SLC5A9: variants seen among roughly 807,000 people sequenced by gnomAD.
SLC5A9 encodes sodium/glucose cotransporter 4.
In SLC5A9, 59 loss-of-function variants were observed where a neutral mutation model predicts 70.9. The observed-to-expected ratio is 0.83, with a 90% CI of 0.68 to 1.03. The LOEUF is 1.03. Ranked by LOEUF, SLC5A9 falls within the 50% of genes least tolerant of loss-of-function variation. The pLI is 0.00. For missense variants in SLC5A9, 832 were observed against 881.1 expected, an observed-to-expected ratio of 0.94 and a Z score of 0.71; for synonymous variants, 340 against 346.5, an observed-to-expected ratio of 0.98 and a Z score of 0.21.
intron 6 of SLC5A9, 76 bp from the exon 7 acceptor site, chr1:48,231,870 T>G (rs74077907): frequency 6.3e-7 from 1 of 1,593,052 alleles, no homozygotes; most frequent in Non-Finnish European, 8.6e-7. Flanking sequence ...AGGGCCCACA[T>G]GAGGCTGGGG....
At chr1:48,244,711 A>AATATATATATATATATAT in intron 13 of SLC5A9, among the ~76,000 whole-genome samples, 1 of 136,168 alleles carries the variant, frequency 7.3e-6, no homozygotes, top group South Asian at 2.3e-4. Context: ...TTGCTTTGCA[A>AATATATATATATATATAT]ATATATATAT....
rs1345828939 is a variant in SLC5A9 at position 48,235,734 on chromosome 1, C to G, written c.1147C>G (p.Arg383Gly). The change falls in exon 10 of 14, where the codon CGG (arginine) becomes GGG (glycine). Residue 383 changes from arginine (R) to glycine (G), a missense_variant. Physicochemically the swap from Arg to Gly is moderately radical, Grantham distance 125. Transcript: ENST00000438567. ...TGAGCCTCGTCTCTCCCCAGGTCTG[C>G]GGGGGCTGATGATTGCCGTGATCAT... ...LVMALMPVGL[R>G]GLMIAVIMAA... 6.2e-7 allele frequency: 1 copy of G among 1,614,174 alleles called. No individual in the cohort carries two copies. Among genetic ancestry groups the G allele is most frequent in the South Asian group, 1.1e-5 (1 of 91,088 alleles).
At chr1:48,245,524 G>A (rs546338816) in intron 13 of SLC5A9, among the ~76,000 whole-genome samples, 19 of 152,270 alleles carry the variant, frequency 1.2e-4, no homozygotes, top group Admixed American at 9.2e-4. Context: ...AAGTAGAAGG[G>A]TAGGGAAAGG....
At chr1:48,237,615 C>T in intron 10 of SLC5A9, 64 bp from the exon 11 acceptor site, 1 of 1,540,112 alleles carries the variant, frequency 6.5e-7, no homozygotes, top group South Asian at 1.2e-5. Flanking sequence ...TGTGCATCAC[C>T]TTCACCCCAC....
chr1:48,228,668 A>G (rs1010477463), intron 2 of SLC5A9, 182 bp from the exon 3 acceptor site: 3 of 988,576 alleles, frequency 3.0e-6, no homozygotes, highest in Non-Finnish European at 4.3e-6. Flanking sequence ...CTTCCTCTGT[A>G]ACCTGGGATG....
intron 8 of SLC5A9, 111 bp downstream of exon 8, chr1:48,232,613 G>T (rs1344745877): frequency 2.1e-6 from 3 of 1,427,280 alleles, no homozygotes; most frequent in East Asian, 4.6e-5. Flanking sequence ...GGTTGGCAAG[G>T]TTTGTCTATT....
chr1:48,233,514 C>A (rs1644285758), intron 8 of SLC5A9, 141 bp from the exon 9 acceptor site: 2 of 655,898 alleles, frequency 3.0e-6, no homozygotes, highest in South Asian at 1.8e-5. Flanking sequence ...ACCCAGACAC[C>A]ATTTGCCCCC....
intron 10 of SLC5A9, 138 bp from the exon 11 acceptor site, chr1:48,237,541 C>T: frequency 1.3e-6 from 1 of 775,766 alleles, no homozygotes; most frequent in Non-Finnish European, 2.0e-6. Flanking sequence ...ATTTGAGATT[C>T]TGGCTGCCAA....
At chr1:48,247,307 C>G in intron 13 of SLC5A9, 28 bp from the exon 14 acceptor site, 1 of 1,609,286 alleles carries the variant, frequency 6.2e-7, no homozygotes, top group East Asian at 2.2e-5. Flanking sequence ...CTCCTGCTCT[C>G]CTTTGTCTTC....
chr1:48,223,316 C>T (rs1416409685), intron 1 of SLC5A9, among the ~76,000 whole-genome samples: 1 of 152,140 alleles, frequency 6.6e-6, no homozygotes, highest in Non-Finnish European at 1.5e-5. Context: ...TGAGAAGGGG[C>T]TCATGTGCTC....
Position 48,224,711 on chromosome 1 carries a change from ATTTCC to A in SLC5A9, c.163-7_163-3del. On this transcript the variant is annotated splice_region_variant and splice_polypyrimidine_tract_variant and intron_variant, in intron 1 of 13. Transcript: ENST00000438567. Reference sequence around the variant, plus strand: ...GTCTTGAGAAATCCTCATCTCATCTATTTCCTTTCCAGTCGTCCATCCGTGCAAGT... The same window carrying A: ...GTCTTGAGAAATCCTCATCTCATCTATTTCCAGTCGTCCATCCGTGCAAGT... 1.2e-6 allele frequency: 2 copies of A among 1,613,742 alleles called. No individual in the cohort carries two copies.
chr1:48,230,852 G>A, intron 5 of SLC5A9, 147 bp downstream of exon 5: 2 of 638,448 alleles, frequency 3.1e-6, no homozygotes, highest in South Asian at 3.8e-5. Context: ...CAGAGACAAA[G>A]AGAGGCTGAG....
At chr1:48,235,672 C>A (rs906974505) in intron 9 of SLC5A9, 57 bp from the exon 10 acceptor site, 6 of 1,606,368 alleles carry the variant, frequency 3.7e-6, no homozygotes, top group Non-Finnish European at 5.1e-6. Context: ...CCTCTGTAGT[C>A]CTGGAAGAGC....
intron 1 of SLC5A9, among the ~76,000 whole-genome samples, 196 bp downstream of exon 1, chr1:48,223,094 TGAG>T (rs576102556): frequency 1.1e-3 from 166 of 152,198 alleles, no homozygotes; most frequent in African/African-American, 3.9e-3. Flanking sequence ...GTGGCTGGTC[TGAG>T]GTCACACAGA....
At chr1:48,230,316 A>G (rs1213862090) in intron 4 of SLC5A9, among the ~76,000 whole-genome samples, 1 of 152,012 alleles carries the variant, frequency 6.6e-6, no homozygotes, top group Non-Finnish European at 1.5e-5. Flanking sequence ...TCAGCCTTCC[A>G]CTTCATTCCT....
intron 13 of SLC5A9, 111 bp from the exon 14 acceptor site, chr1:48,247,224 C>G: frequency 1.0e-6 from 1 of 973,386 alleles, no homozygotes; most frequent in Non-Finnish European, 1.6e-6. Flanking sequence ...TACTTTCCAT[C>G]AGTATCTCAC....
At position 48,247,707 on chromosome 1, in the gene SLC5A9, T is replaced by C. The variant is rs1644475494; in HGVS notation, c.*164T>C. 4.4e-6 allele frequency: 3 copies of C among 684,358 alleles called. No homozygotes were observed. The highest frequency in any genetic ancestry group is 3.6e-5 in the African/African-American group (2 of 55,666). 42.4% of individuals were successfully genotyped at this position (684,358 alleles called of 1,614,324 possible). On this transcript the variant is annotated 3_prime_UTR_variant, in exon 14 of 14. Transcript: ENST00000438567. ...CAACTCAACCTGCACACTTGACAAG[T>C]GGAGAAACAGAAGCCCAGAGAGAGC...
At position 48,237,593 on chromosome 1, in the gene SLC5A9, C is replaced by T. The variant is rs1644343441; in HGVS notation, c.1293-86C>T. 5 of 1,348,234 alleles carry T rather than the reference C, an allele frequency of 3.7e-6. No individual in the cohort carries two copies. The South Asian group carries it at 4.0e-5, about 11-fold the overall frequency. The allele number at this position is 1,348,234 out of a possible 1,614,324, so 83.5% of individuals were successfully genotyped here. ...GATTGTACATTCCCCTTCTTTCTCC[C>T]TTCCTGGTTCCTGTGCATCACCTTC... is the stretch of plus-strand genomic sequence containing the variant. On this transcript the variant is annotated intron_variant, in intron 10 of 13. Transcript: ENST00000438567.
chr1:48,243,616 C>G (rs1644417002), intron 13 of SLC5A9, among the ~76,000 whole-genome samples: 1 of 151,984 alleles, frequency 6.6e-6, no homozygotes. Flanking sequence ...AAATGTTAAA[C>G]TCTATAAAGC....
Sources: allele counts gnomAD v4.1 joint callset (sites outside exome capture counted in the v4.1 genomes callset), GRCh38; gene constraint gnomAD v4.1.1; transcripts MANE v1.5; gene names NCBI Gene and HGNC (gene_info 2026-07-23, HGNC 2026-07-21).